The following ALDH6A1 variants were observed in gnomAD, a reference collection of about 807,000 sequenced individuals.
ALDH6A1 encodes methylmalonate-semialdehyde/malonate-semialdehyde dehydrogenase [acylating], mitochondrial.
ALDH6A1 carries 43 observed loss-of-function variants against 62.6 expected under a neutral mutation model. That is an observed-to-expected ratio of 0.69 (90% CI 0.54 to 0.89). The LOEUF (loss-of-function observed/expected upper bound fraction) is 0.89. Ranked by LOEUF, ALDH6A1 falls within the 40% of genes least tolerant of loss-of-function variation. The pLI, the probability that ALDH6A1 is intolerant of heterozygous loss-of-function variation, is 0.00. For synonymous variants in ALDH6A1, 194 were observed against 234.2 expected (o/e 0.83, Z 1.57); for missense variants, 551 against 661.3 (o/e 0.83, Z 1.83).
intron 1 of ALDH6A1, among the ~76,000 whole-genome samples, chr14:74,081,499 G>GT (rs983172733): frequency 6.6e-6 from 1 of 152,158 alleles, no homozygotes; most frequent in African/African-American, 2.4e-5. Flanking sequence ...TATTCATATA[G>GT]TTTTTTGACA....
chr14:74,076,712 TA>T (rs946598462), intron 1 of ALDH6A1, among the ~76,000 whole-genome samples: 54 of 152,140 alleles, frequency 3.5e-4, no homozygotes, highest in African/African-American at 1.1e-3. Flanking sequence ...AATTTTATTT[TA>T]TTTTTTTTGT....
At chr14:74,081,302 A>C (rs2060665612) in intron 1 of ALDH6A1, 1 of 152,262 alleles carries the variant, frequency 6.6e-6, no homozygotes, top group African/African-American at 2.4e-5. Context: ...AATATTTTGC[A>C]CAATGAAAGA....
intron 11 of ALDH6A1, 88 bp from the exon 12 acceptor site, chr14:74,060,834 T>A: frequency 1.1e-6 from 1 of 906,688 alleles, no homozygotes; most frequent in Non-Finnish European, 1.8e-6. Flanking sequence ...TATTATAAAG[T>A]GCTACTCACT....
chr14:74,057,083 C>G lies in ALDH6A1; in HGVS notation c.*3559G>C, dbSNP rs1783104698. 6.3e-7 allele frequency: 1 copy of G among 1,598,342 alleles called. No homozygotes were observed. The highest frequency in any genetic ancestry group is 1.3e-5 in the African/African-American group (1 of 74,340). On this transcript the variant is annotated 3_prime_UTR_variant, in exon 12 of 12. Coordinates refer to ENST00000553458, the MANE Select transcript of ALDH6A1 (RefSeq NM_005589.4). ...AAAGTAATATGACAAGTCTGTTATTCTAAACCAGGTTTCATGTGTGTAGAG... is the reference window on the plus strand; with the variant it reads ...AAAGTAATATGACAAGTCTGTTATTGTAAACCAGGTTTCATGTGTGTAGAG...
At chr14:74,064,433 CCAGCA>C (rs2060425161) in intron 11 of ALDH6A1, among the ~76,000 whole-genome samples, 1 of 151,944 alleles carries the variant, frequency 6.6e-6, no homozygotes, top group African/African-American at 2.4e-5. Context: ...GTCACACTAC[CCAGCA>C]CTGAGGGAGG....
chr14:74,070,530 T>C (rs889348259), intron 6 of ALDH6A1, among the ~76,000 whole-genome samples: 3 of 152,088 alleles, frequency 2.0e-5, no homozygotes, highest in Admixed American at 1.3e-4. Flanking sequence ...AAAAAAAGAA[T>C]AACAATATTT....
chr14:74,077,201 G>A (rs974471908), intron 1 of ALDH6A1, among the ~76,000 whole-genome samples: 1 of 152,136 alleles, frequency 6.6e-6, no homozygotes, highest in Non-Finnish European at 1.5e-5. Flanking sequence ...GTAGGTAGTA[G>A]GTGTTCAGTA....
chr14:74,083,053 A>G (rs4646855), intron 1 of ALDH6A1, among the ~76,000 whole-genome samples: 36,682 of 152,152 alleles, frequency 0.24, 5,004 homozygotes, highest in South Asian at 0.46. Flanking sequence ...AGAACAGAAC[A>G]AGGATCGCAG....
chr14:74,062,290 A>G (rs1269879415), intron 11 of ALDH6A1, among the ~76,000 whole-genome samples: 2 of 151,962 alleles, frequency 1.3e-5, no homozygotes, highest in Non-Finnish European at 2.9e-5. Context: ...ACTAGTATCA[A>G]ATTAGTCATT....
chr14:74,075,490 T>A (rs1192480936), intron 1 of ALDH6A1, among the ~76,000 whole-genome samples: 2 of 151,910 alleles, frequency 1.3e-5, no homozygotes, highest in African/African-American at 2.4e-5. Flanking sequence ...AAACCTTGTC[T>A]ACAAAAAATT....
chr14:74,079,675 G>A (rs1273450944), intron 1 of ALDH6A1, among the ~76,000 whole-genome samples: 4 of 151,136 alleles, frequency 2.6e-5, no homozygotes, highest in Non-Finnish European at 3.0e-5. Context: ...CTCATGATCC[G>A]CCCGCCTCAG....
At chr14:74,070,324 G>C (rs983403915) in intron 6 of ALDH6A1, among the ~76,000 whole-genome samples, 3 of 152,058 alleles carry the variant, frequency 2.0e-5, no homozygotes, top group African/African-American at 7.2e-5. Context: ...TTTGAGACTA[G>C]CCTGGCCAAC....
chr14:74,071,604 G>T, intron 5 of ALDH6A1, 107 bp from the exon 6 acceptor site: 1 of 1,597,880 alleles, frequency 6.3e-7, no homozygotes, highest in African/African-American at 1.3e-5. Flanking sequence ...CAATGAAGGG[G>T]TGCAGGGTAC....
At chr14:74,074,891 A>C in intron 2 of ALDH6A1, 64 bp downstream of exon 2, 68 of 1,500,076 alleles carry the variant, frequency 4.5e-5, no homozygotes, top group Middle Eastern at 1.7e-4. Context: ...TAAAGAAGAT[A>C]GAGATACCCA....
chr14:74,066,635 T>G, intron 9 of ALDH6A1, 70 bp downstream of exon 9: 1 of 1,404,170 alleles, frequency 7.1e-7, no homozygotes, highest in Admixed American at 1.7e-5. Context: ...ATTAATAAAT[T>G]AGAGGGATGA....
chr14:74,072,157 T>A, intron 4 of ALDH6A1, 46 bp downstream of exon 4: 1 of 1,613,432 alleles, frequency 6.2e-7, no homozygotes, highest in Non-Finnish European at 8.5e-7. Flanking sequence ...GTGACAAACA[T>A]GCCCTAGGTG....
At chr14:74,084,201 T>G in intron 1 of ALDH6A1, 146 bp downstream of exon 1, 2 of 1,233,626 alleles carry the variant, frequency 1.6e-6, no homozygotes. Context: ...GGGCTGGGCA[T>G]GGGACAGGGC....
In ALDH6A1 at chr14:74,084,334, C is replaced by T. The variant is rs1280496314; in HGVS notation, c.48+13G>A. 2 of 1,613,610 alleles carry T rather than the reference C, an allele frequency of 1.2e-6. No homozygotes were observed. The highest frequency in any genetic ancestry group is 1.7e-6 in the Non-Finnish European group (2 of 1,179,914). On this transcript the variant is annotated intron_variant, in intron 1 of 11. Coordinates refer to ENST00000553458, the MANE Select transcript of ALDH6A1 (RefSeq NM_005589.4). The stretch of plus-strand genomic sequence containing the variant: ...TCCTAGCTTCATGGTGCCTTGGCAC[C>T]ACCCTCACTCGCCTGCAGGATCCGG...
At chr14:74,074,924 A>G in intron 2 of ALDH6A1, 31 bp downstream of exon 2, 2 of 1,605,490 alleles carry the variant, frequency 1.2e-6, no homozygotes, top group South Asian at 1.1e-5. Flanking sequence ...ATTCCTTCTC[A>G]GAAGTCAACC....
Sources: allele counts gnomAD v4.1 joint callset (sites outside exome capture counted in the v4.1 genomes callset), GRCh38; gene constraint gnomAD v4.1.1; transcripts MANE v1.5; gene names NCBI Gene and HGNC (gene_info 2026-07-23, HGNC 2026-07-21).